Variants in LYPLA1 observed in about 807,000 individuals in gnomAD.
The protein encoded by LYPLA1 is lysophospholipase 1.
LYPLA1 carries 17 observed loss-of-function variants against 34.0 expected under a neutral mutation model. That is an observed-to-expected ratio of 0.50 (90% CI 0.34 to 0.75). LYPLA1 has a LOEUF of 0.75. LYPLA1 is among the 30% of genes least tolerant of loss of function. The pLI is 0.01. For synonymous variants in LYPLA1, 98 were observed against 100.8 expected (o/e 0.97, Z 0.17); for missense variants, 203 against 288.8 (o/e 0.70, Z 2.15).
At chr8:54,076,368 G>T (rs1807903827) in intron 2 of LYPLA1, among the ~76,000 whole-genome samples, 1 of 152,176 alleles carries the variant, frequency 6.6e-6, no homozygotes, top group Admixed American at 6.5e-5. Context: ...TGGAAGCTCT[G>T]TGATTTCAAT....
intron 2 of LYPLA1, 104 bp downstream of exon 2, chr8:54,100,804 A>C: frequency 1.1e-6 from 1 of 934,644 alleles, no homozygotes; most frequent in South Asian, 1.4e-5. Flanking sequence ...TGGCAATCTT[A>C]AAATACCATT....
chr8:54,084,147 T>A lies in LYPLA1; in HGVS notation c.101+16761A>T, dbSNP rs1473828147. 7.9e-4 allele frequency among the ~76,000 whole-genome samples: 99 copies of A among 125,936 alleles called. 1 individual carries two copies. Among genetic ancestry groups the A allele is most frequent in the African/African-American group, 3.5e-3 (91 of 25,960 alleles). 82.6% of individuals were successfully genotyped at this position (125,936 alleles called of 152,430 possible). ...AAGAAAAAAAAAATAAATAAATATA[T>A]ATATATATATATATATAAAATAAAG... On this transcript the variant is annotated intron_variant, in intron 2 of 8. Transcript: ENST00000316963.
intron 6 of LYPLA1, 126 bp from the exon 7 acceptor site, chr8:54,052,882 G>A: frequency 1.6e-6 from 1 of 624,558 alleles, no homozygotes; most frequent in Non-Finnish European, 2.9e-6. Context: ...AATCAAATCA[G>A]GCAAATATCG....
At chr8:54,044,271 G>C (rs1261591088), downstream of LYPLA1, among the ~76,000 whole-genome samples, 1 of 152,008 alleles carries the variant, frequency 6.6e-6, no homozygotes, top group African/African-American at 2.4e-5. Context: ...AAATGTGGGG[G>C]CTCTGAGCTC....
chr8:54,044,193 A>T (rs1805429019), downstream of LYPLA1, among the ~76,000 whole-genome samples: 1 of 152,026 alleles, frequency 6.6e-6, no homozygotes, highest in South Asian at 2.1e-4. Context: ...CACCGTGCCC[A>T]GCCTTCCTTT....
intron 2 of LYPLA1, among the ~76,000 whole-genome samples, chr8:54,097,746 A>G (rs1809801660): frequency 6.6e-6 from 1 of 152,256 alleles, no homozygotes; most frequent in South Asian, 2.1e-4. Flanking sequence ...GCCTGAATCC[A>G]TGGATAACAC....
At chr8:54,059,679 C>A (rs1276180479) in intron 5 of LYPLA1, among the ~76,000 whole-genome samples, 1 of 152,178 alleles carries the variant, frequency 6.6e-6, no homozygotes, top group South Asian at 2.1e-4. Context: ...TGCCTGTAAT[C>A]CCAGTACTTT....
At chr8:54,060,090 A>C (rs1305800023) in intron 5 of LYPLA1, among the ~76,000 whole-genome samples, 4 of 151,974 alleles carry the variant, frequency 2.6e-5, no homozygotes, top group Non-Finnish European at 5.9e-5. Flanking sequence ...CACATATGTA[A>C]AAGAAAAGCA....
intron 5 of LYPLA1, among the ~76,000 whole-genome samples, chr8:54,055,368 A>C (rs193253832): frequency 8.5e-5 from 13 of 152,302 alleles, no homozygotes; most frequent in Admixed American, 7.2e-4. Context: ...TCACACATAA[A>C]ATTAAATACC....
At chr8:54,074,566 G>A (rs1015213623) in intron 2 of LYPLA1, among the ~76,000 whole-genome samples, 6 of 152,138 alleles carry the variant, frequency 3.9e-5, no homozygotes, top group African/African-American at 1.2e-4. Context: ...ATGGCTGATC[G>A]CCTAGTTGCT....
At chr8:54,049,511 G>A (rs761926855) in intron 8 of LYPLA1, among the ~76,000 whole-genome samples, 7 of 152,114 alleles carry the variant, frequency 4.6e-5, no homozygotes, top group East Asian at 1.9e-4. Flanking sequence ...TGATCCTCTC[G>A]CCTCAGCCTC....
chr8:54,085,092 A>ACCTC (rs1360476370), intron 2 of LYPLA1, among the ~76,000 whole-genome samples: 1 of 151,394 alleles, frequency 6.6e-6, no homozygotes, highest in East Asian at 1.9e-4. Flanking sequence ...GCTCACTGCA[A>ACCTC]CCTCCCTGCC....
chr8:54,050,101 A>G (rs1203166660), intron 8 of LYPLA1, among the ~76,000 whole-genome samples: 1 of 152,168 alleles, frequency 6.6e-6, no homozygotes, highest in Admixed American at 6.5e-5. Context: ...TTCGTTGATC[A>G]ATTATATTAG....
At chr8:54,091,996 G>C (rs1219887926) in intron 2 of LYPLA1, among the ~76,000 whole-genome samples, 1 of 152,098 alleles carries the variant, frequency 6.6e-6, no homozygotes, top group African/African-American at 2.4e-5. Context: ...GCTGAACCCA[G>C]GAGGTCAAGG....
Position 54,062,239 on chromosome 8 carries a change from A to G in LYPLA1, c.286+15T>C, listed in dbSNP as rs1554542285. 6.4e-7 allele frequency: 1 copy of G among 1,558,032 alleles called. No individual in the cohort carries two copies. The highest frequency in any genetic ancestry group is 2.3e-5 in the East Asian group (1 of 43,540). On this transcript the variant is annotated intron_variant, in intron 5 of 8. Coordinates refer to ENST00000316963, the MANE Select transcript of LYPLA1 (RefSeq NM_006330.4). ...TAAGAACACTTTTGGCTTTATAAAC[A>G]TTTTCTGTACTTACTATTTTCTGCT...
chr8:54,054,880 GTTCT>G (rs1188005287), intron 6 of LYPLA1, 176 bp downstream of exon 6: 1 of 564,260 alleles, frequency 1.8e-6, no homozygotes, highest in African/African-American at 1.9e-5. Flanking sequence ...GTGTATTATA[GTTCT>G]TTCAAGAAGA....
chr8:54,050,917 T>C (rs1457073261), intron 8 of LYPLA1, 95 bp downstream of exon 8: 5 of 1,324,926 alleles, frequency 3.8e-6, no homozygotes, highest in Non-Finnish European at 5.2e-6. Context: ...AATTAACTCA[T>C]TTAAATCCCC....
chr8:54,076,092 C>T (rs1035665204), intron 2 of LYPLA1, among the ~76,000 whole-genome samples: 6 of 152,142 alleles, frequency 3.9e-5, no homozygotes, highest in Non-Finnish European at 8.8e-5. Flanking sequence ...GGCACCTCAA[C>T]CTCAAATGAT....
intron 2 of LYPLA1, among the ~76,000 whole-genome samples, chr8:54,086,502 C>G (rs887857943): frequency 1.7e-5 from 1 of 58,558 alleles, no homozygotes; most frequent in Non-Finnish European, 3.2e-5. Context: ...AAAAAAGGAA[C>G]AGTTACTCAT....
Sources: gnomAD v4.1 joint callset for allele counts (sites outside exome capture counted in the v4.1 genomes callset) on GRCh38, gnomAD v4.1.1 for gene constraint, MANE v1.5 for transcripts, NCBI Gene and HGNC (gene_info 2026-07-23, HGNC 2026-07-21) for gene names.